ADCY2: variants seen among roughly 807,000 people sequenced by gnomAD.
The protein encoded by ADCY2 is adenylate cyclase type 2.
In ADCY2, 31 loss-of-function variants were observed where a neutral mutation model predicts 125.2. The ratio of observed to expected loss-of-function variants is 0.25; its 90% CI spans 0.19 to 0.33. The LOEUF (loss-of-function observed/expected upper bound fraction) is 0.33. Ranked by LOEUF, ADCY2 falls within the 10% of genes least tolerant of loss-of-function variation. The pLI is 1.00. For missense variants in ADCY2, 904 were observed against 1,418.2 expected, an observed-to-expected ratio of 0.64 and a Z score of 5.82; for synonymous variants, 512 against 548.4, an observed-to-expected ratio of 0.93 and a Z score of 0.93.
chr5:7,612,633 G>A (rs796443584), intron 3 of ADCY2, among the ~76,000 whole-genome samples: 1 of 152,220 alleles, frequency 6.6e-6, no homozygotes, highest in Non-Finnish European at 1.5e-5. Context: ...TGCTCCGGGA[G>A]GGGGTAGGGA....
In ADCY2 at chr5:7,820,653, T is replaced by C. The variant is rs1044941095; in HGVS notation, c.3087T>C (p.Ser1029=). Residue 1029 remains serine (S), a synonymous_variant, in exon 24 of 25, where the codon AGT becomes AGC. Coordinates refer to ENST00000338316, the MANE Select transcript of ADCY2 (RefSeq NM_020546.3). ...GGGGCAACACTGTCAATGTGGCCAG[T>C]AGGATGGACAGCACCGGAGTCCTGG... ...DIWGNTVNVA[S]RMDSTGVLDK... 6.8e-6 allele frequency: 11 copies of C among 1,613,970 alleles called. No homozygotes were observed. Among genetic ancestry groups the C allele is most frequent in the Admixed American group, 3.3e-5 (2 of 60,016 alleles).
chr5:7,655,897 G>A (rs1739306159), intron 4 of ADCY2, among the ~76,000 whole-genome samples: 1 of 152,144 alleles, frequency 6.6e-6, no homozygotes, highest in African/African-American at 2.4e-5. Flanking sequence ...CTGGGTTCTG[G>A]AGCTCAGCTG....
chr5:7,662,090 C>G (rs1231364178), intron 4 of ADCY2, among the ~76,000 whole-genome samples: 2 of 152,188 alleles, frequency 1.3e-5, no homozygotes, highest in African/African-American at 4.8e-5. Flanking sequence ...CTCCTTACCA[C>G]GCATAGCCTC....
intron 2 of ADCY2, among the ~76,000 whole-genome samples, chr5:7,458,554 T>G (rs1361552140): frequency 6.6e-6 from 1 of 152,128 alleles, no homozygotes; most frequent in Non-Finnish European, 1.5e-5. Context: ...TGCTCTGAAC[T>G]TCAGCTTTCT....
chr5:7,778,002 T>C (rs1430007938), intron 18 of ADCY2, among the ~76,000 whole-genome samples: 2 of 152,164 alleles, frequency 1.3e-5, no homozygotes, highest in South Asian at 2.1e-4. Context: ...CTCAGATGTT[T>C]CCTATTCTTT....
intron 2 of ADCY2, among the ~76,000 whole-genome samples, chr5:7,422,228 T>C (rs1453845533): frequency 1.3e-5 from 2 of 152,118 alleles, no homozygotes; most frequent in Non-Finnish European, 2.9e-5. Context: ...TTAATTGAGA[T>C]GGGGGTCTTG....
At chr5:7,440,320 C>G (rs1036416922) in intron 2 of ADCY2, among the ~76,000 whole-genome samples, 13 of 152,164 alleles carry the variant, frequency 8.5e-5, no homozygotes, top group Non-Finnish European at 1.6e-4. Context: ...TCACAGGGAG[C>G]TAGATGATTC....
At position 7,804,712 on chromosome 5, in the gene ADCY2, T is replaced by G. The variant is rs1427565552; in HGVS notation, c.2883+20T>G. 1 of 1,593,270 alleles carries G rather than the reference T, an allele frequency of 6.3e-7. No individual in the cohort carries two copies. Among genetic ancestry groups the G allele is most frequent in the Admixed American group, 1.7e-5 (1 of 59,970 alleles). On this transcript the variant is annotated intron_variant, in intron 22 of 24. Coordinates refer to ENST00000338316, the MANE Select transcript of ADCY2 (RefSeq NM_020546.3). ...TCCCAGGTAAGACGCGTTGGCCACT[T>G]AACGGCACAGGTGAGCCTCAACCCC...
intron 10 of ADCY2, among the ~76,000 whole-genome samples, chr5:7,712,333 G>C (rs76922646): frequency 6.6e-6 from 1 of 152,146 alleles, no homozygotes; most frequent in Non-Finnish European, 1.5e-5. Context: ...AACTACCAGC[G>C]CTCCTTTGCC....
intron 4 of ADCY2, among the ~76,000 whole-genome samples, chr5:7,673,272 ATAT>A (rs1740002640): frequency 1.3e-5 from 1 of 77,192 alleles, no homozygotes; most frequent in African/African-American, 4.8e-5. Flanking sequence ...AAAAAAAAAT[ATAT>A]ATATATATAT....
chr5:7,585,488 A>G (rs1736600506), intron 3 of ADCY2, among the ~76,000 whole-genome samples: 1 of 152,196 alleles, frequency 6.6e-6, no homozygotes, highest in Non-Finnish European at 1.5e-5. Flanking sequence ...TAATTTATTA[A>G]ATGCTCCTGG....
chr5:7,412,717 G>A (rs1448435230), intron 1 of ADCY2, among the ~76,000 whole-genome samples: 1 of 152,160 alleles, frequency 6.6e-6, no homozygotes, highest in Non-Finnish European at 1.5e-5. Flanking sequence ...AGCCCCATTC[G>A]GTTGAGTTCA....
chr5:7,595,222 T>C (rs545329016), intron 3 of ADCY2, among the ~76,000 whole-genome samples: 20 of 152,288 alleles, frequency 1.3e-4, no homozygotes, highest in African/African-American at 4.8e-4. Context: ...AACAATAGAG[T>C]TACTATTAAA....
chr5:7,438,460 C>T (rs1444725100), intron 2 of ADCY2, among the ~76,000 whole-genome samples: 1 of 152,112 alleles, frequency 6.6e-6, no homozygotes, highest in Non-Finnish European at 1.5e-5. Context: ...ATGAGGGAGA[C>T]TGCAGTGCTG....
chr5:7,723,920 C>CAAAAAAAAAAAAAAAAAAAAAAA (rs70940756), intron 12 of ADCY2, among the ~76,000 whole-genome samples: 2 of 53,724 alleles, frequency 3.7e-5, no homozygotes, highest in Admixed American at 2.5e-4. Flanking sequence ...GACTCAGTCT[C>CAAAAAAAAAAAAAAAAAAAAAAA]AAAAAAAAAA....
At chr5:7,765,180 A>T (rs191075529) in intron 16 of ADCY2, among the ~76,000 whole-genome samples, 4 of 152,308 alleles carry the variant, frequency 2.6e-5, no homozygotes, top group Admixed American at 2.6e-4. Context: ...GGTGATATAT[A>T]ATCAAGAAGT....
intron 11 of ADCY2, among the ~76,000 whole-genome samples, chr5:7,713,495 GAAAAA>G (rs199666136): frequency 7.0e-6 from 1 of 141,986 alleles, no homozygotes; most frequent in African/African-American, 2.6e-5. Context: ...CTGTGTCTCA[GAAAAA>G]AAAAAAATAA....
intron 3 of ADCY2, among the ~76,000 whole-genome samples, chr5:7,535,651 G>T (rs1004008035): frequency 1.3e-5 from 2 of 152,108 alleles, no homozygotes; most frequent in African/African-American, 4.8e-5. Flanking sequence ...ATCCATACAT[G>T]GATTTACATC....
At chr5:7,439,670 T>C (rs527996005) in intron 2 of ADCY2, among the ~76,000 whole-genome samples, 3 of 152,334 alleles carry the variant, frequency 2.0e-5, no homozygotes, top group Admixed American at 1.3e-4. Flanking sequence ...CAAAATGGAA[T>C]AATGGTAACT....
Sources: gnomAD v4.1 joint callset for allele counts (sites outside exome capture counted in the v4.1 genomes callset) on GRCh38, gnomAD v4.1.1 for gene constraint, MANE v1.5 for transcripts, NCBI Gene and HGNC (gene_info 2026-07-23, HGNC 2026-07-21) for gene names.